NPAS3: variants seen among roughly 807,000 people sequenced by gnomAD.
NPAS3 encodes neuronal PAS domain-containing protein 3.
Under a neutral mutation model 73.1 loss-of-function variants are expected in NPAS3, and 14 were observed. That is an observed-to-expected ratio of 0.19 (90% CI 0.13 to 0.30). NPAS3 has a LOEUF of 0.30. NPAS3 is among the 10% of genes least tolerant of loss of function. The probability of loss-of-function intolerance (pLI) is 1.00; values close to 1 mark genes in which losing one functional copy is unlikely to be tolerated. For missense variants in NPAS3, 1,096 were observed against 1,250.0 expected (o/e 0.88, Z 1.86); for synonymous variants, 620 against 541.5 (o/e 1.14, Z -2.01).
chr14:33,207,283 A>C (rs964888487), intron 2 of NPAS3, among the ~76,000 whole-genome samples: 5 of 130,342 alleles, frequency 3.8e-5, no homozygotes, highest in African/African-American at 1.4e-4. Flanking sequence ...ACACACACAC[A>C]CACACACAGT....
At chr14:33,637,347 T>C (rs1276221198) in intron 5 of NPAS3, among the ~76,000 whole-genome samples, 1 of 152,248 alleles carries the variant, frequency 6.6e-6, no homozygotes, top group African/African-American at 2.4e-5. Context: ...TCATCTCCAC[T>C]TTGCTGGATT....
chr14:33,629,925 G>T (rs2140131975), intron 5 of NPAS3, among the ~76,000 whole-genome samples: 1 of 152,192 alleles, frequency 6.6e-6, no homozygotes, highest in African/African-American at 2.4e-5. Context: ...TTCTTTGAGA[G>T]CATTTAAACT....
At chr14:33,209,292 G>A (rs550502105) in intron 2 of NPAS3, among the ~76,000 whole-genome samples, 16 of 152,200 alleles carry the variant, frequency 1.1e-4, no homozygotes, top group African/African-American at 3.9e-4. Flanking sequence ...AATACTCTTG[G>A]AAGAATTTTT....
intron 4 of NPAS3, among the ~76,000 whole-genome samples, chr14:33,551,269 A>G (rs1354503537): frequency 6.6e-6 from 1 of 152,212 alleles, no homozygotes; most frequent in Non-Finnish European, 1.5e-5. Context: ...TGGTCTTTTA[A>G]TATTCTAAAT....
chr14:33,629,199 C>A (rs902090927), intron 5 of NPAS3, among the ~76,000 whole-genome samples: 3 of 148,462 alleles, frequency 2.0e-5, no homozygotes, highest in African/African-American at 7.5e-5. Flanking sequence ...TGCGCCACTG[C>A]ACTCCAGCCT....
chr14:33,298,954 A>G (rs1344147131), intron 3 of NPAS3, among the ~76,000 whole-genome samples: 3 of 152,306 alleles, frequency 2.0e-5, no homozygotes, highest in South Asian at 2.1e-4. Context: ...TATTCATTTT[A>G]TAATCTGTAT....
chr14:33,136,218 G>A (rs1275551249), intron 2 of NPAS3, among the ~76,000 whole-genome samples: 2 of 151,568 alleles, frequency 1.3e-5, no homozygotes, highest in Non-Finnish European at 2.9e-5. Flanking sequence ...ACACCACCAC[G>A]CCCAGCTAAT....
At chr14:33,244,707 T>C (rs1218909249) in intron 3 of NPAS3, among the ~76,000 whole-genome samples, 8 of 152,196 alleles carry the variant, frequency 5.3e-5, no homozygotes, top group Non-Finnish European at 1.5e-5. Flanking sequence ...TTCTCTACTC[T>C]TTCTTCTATA....
chr14:33,592,518 G>C (rs922559712), intron 5 of NPAS3, among the ~76,000 whole-genome samples: 23 of 152,196 alleles, frequency 1.5e-4, no homozygotes, highest in African/African-American at 5.3e-4. Context: ...GGTGGGATTT[G>C]ACCAGACTAT....
At chr14:33,132,148 G>T (rs961448666) in intron 2 of NPAS3, among the ~76,000 whole-genome samples, 2 of 152,240 alleles carry the variant, frequency 1.3e-5, no homozygotes, top group Admixed American at 6.5e-5. Flanking sequence ...AGGTTACCTT[G>T]GTGGTCCAGG....
chr14:33,285,929 G>C (rs1022270558), intron 3 of NPAS3, among the ~76,000 whole-genome samples: 1 of 152,186 alleles, frequency 6.6e-6, no homozygotes, highest in Non-Finnish European at 1.5e-5. Flanking sequence ...AGGAGCACGA[G>C]CAGTGCCTTG....
At chr14:33,344,660 T>C (rs1037225312) in intron 3 of NPAS3, among the ~76,000 whole-genome samples, 5 of 152,242 alleles carry the variant, frequency 3.3e-5, no homozygotes, top group African/African-American at 9.6e-5. Context: ...AAATACTGTA[T>C]ACTAGAGTTG....
intron 5 of NPAS3, among the ~76,000 whole-genome samples, chr14:33,606,655 G>A (rs369388291): frequency 3.3e-5 from 5 of 152,206 alleles, no homozygotes; most frequent in South Asian, 2.1e-4. Context: ...AGAAGAAAAC[G>A]TGAGAAAACT....
At chr14:33,342,761 T>C (rs1223202606) in intron 3 of NPAS3, among the ~76,000 whole-genome samples, 2 of 152,128 alleles carry the variant, frequency 1.3e-5, no homozygotes, top group Non-Finnish European at 2.9e-5. Flanking sequence ...CTCACTATCT[T>C]GGTATGCCGT....
intron 2 of NPAS3, among the ~76,000 whole-genome samples, chr14:33,128,466 T>G (rs2043515291): frequency 6.6e-6 from 1 of 152,204 alleles, no homozygotes; most frequent in Admixed American, 6.5e-5. Context: ...GAAGCATGTG[T>G]TGTATAAAGA....
At chr14:33,671,424 G>T (rs1292478112) in intron 5 of NPAS3, among the ~76,000 whole-genome samples, 1 of 152,160 alleles carries the variant, frequency 6.6e-6, no homozygotes, top group Non-Finnish European at 1.5e-5. Flanking sequence ...GCTGTGTCTA[G>T]TGTGCAAATT....
intron 2 of NPAS3, among the ~76,000 whole-genome samples, chr14:33,198,100 G>T (rs1400979586): frequency 6.6e-6 from 1 of 152,076 alleles, no homozygotes; most frequent in Non-Finnish European, 1.5e-5. Flanking sequence ...CCTCCCAGTG[G>T]GGGGTTCGTG....
exon 3 of NPAS3, chr14:33,215,241 A>G: frequency 6.2e-7 from 1 of 1,611,478 alleles, no homozygotes; most frequent in Non-Finnish European, 8.5e-7. Flanking sequence ...CGGGGAAAAG[A>G]AAACTTTGAG....
At chr14:33,175,730 A>ATAT (rs1566640931) in intron 2 of NPAS3, among the ~76,000 whole-genome samples, 1 of 152,214 alleles carries the variant, frequency 6.6e-6, no homozygotes, top group Non-Finnish European at 1.5e-5. Flanking sequence ...TACATACAAC[A>ATAT]TCCCAATGGG....
Sources: gnomAD v4.1 joint callset for allele counts (sites outside exome capture counted in the v4.1 genomes callset) on GRCh38, gnomAD v4.1.1 for gene constraint, MANE v1.5 for transcripts, NCBI Gene and HGNC (gene_info 2026-07-23, HGNC 2026-07-21) for gene names.